KLF15: variants seen among roughly 807,000 people sequenced by gnomAD.
KLF15 encodes KLF transcription factor 15, also known as Krueppel-like factor 15.
Under a neutral mutation model 24.6 loss-of-function variants are expected in KLF15, and 4 were observed. The observed-to-expected ratio is 0.16, with a 90% CI of 0.08 to 0.37. KLF15 has a LOEUF of 0.37. KLF15 is among the 10% of genes least tolerant of loss of function. KLF15 has a pLI of 1.00. For synonymous variants in KLF15, 246 were observed against 236.3 expected, an observed-to-expected ratio of 1.04 and a Z score of -0.37; for missense variants, 496 against 560.6, an observed-to-expected ratio of 0.88 and a Z score of 1.16.
At position 126,345,403 on chromosome 3, in the gene KLF15, A is replaced by C. The variant is rs114786956; in HGVS notation, c.1083-1508T>G. Among the ~76,000 whole-genome samples the C allele has an allele frequency of 1.1e-3, 166 of 152,222 alleles. 1 individual carries two copies. The highest frequency in any genetic ancestry group is 3.8e-3 in the African/African-American group (157 of 41,516). ...GGTAGGTGCTGAGGAGGTGGATTTCAATGCAAGAGTGGGCACAGCAAGCAG... is the reference window on the plus strand; with the variant it reads ...GGTAGGTGCTGAGGAGGTGGATTTCCATGCAAGAGTGGGCACAGCAAGCAG... On this transcript the variant is annotated intron_variant, in intron 2 of 2. Transcript: ENST00000296233.
chr3:126,308,045 C>G, the KLF15 span, among the ~76,000 whole-genome samples: 3 of 152,212 alleles, frequency 2.0e-5, no homozygotes, highest in African/African-American at 7.2e-5. Flanking sequence ...TGGGTCCTTA[C>G]CATGTGGGGA....
the KLF15 span, among the ~76,000 whole-genome samples, chr3:126,299,092 C>A: frequency 1.3e-5 from 2 of 152,164 alleles, no homozygotes; most frequent in Non-Finnish European, 2.9e-5. Flanking sequence ...TTCTACCCAT[C>A]CATGACCATG....
the KLF15 span, among the ~76,000 whole-genome samples, chr3:126,326,210 G>C: frequency 8.2e-6 from 1 of 121,460 alleles, no homozygotes; most frequent in African/African-American, 3.3e-5. Flanking sequence ...TTTGGTTACT[G>C]TAGCCTTGTA....
In KLF15 at chr3:126,343,466, G is replaced by GCACGAAGGCGGGAAGGCACGAAGT; in HGVS notation, c.*260_*261insACTTCGTGCCTTCCCGCCTTCGTG. The GCACGAAGGCGGGAAGGCACGAAGT allele has an allele frequency of 2.3e-6, 1 of 440,516 alleles. No homozygotes were observed. Among genetic ancestry groups the GCACGAAGGCGGGAAGGCACGAAGT allele is most frequent in the East Asian group, 4.6e-5 (1 of 21,668 alleles). 27.3% of individuals were successfully genotyped at this position (440,516 alleles called of 1,614,324 possible). A position where few individuals can be genotyped will look rare whatever the true frequency, so the allele number is the denominator to read the frequency against. Reference sequence around the variant, plus strand: ...GCAGAGGCCTGGCCACCGCGGGAAGGCACGAAGGCACGAAGGCACGAAGGC... The same window carrying GCACGAAGGCGGGAAGGCACGAAGT: ...GCAGAGGCCTGGCCACCGCGGGAAGGCACGAAGGCGGGAAGGCACGAAGTCACGAAGGCACGAAGGCACGAAGGC... On this transcript the variant is annotated 3_prime_UTR_variant, in exon 3 of 3. Coordinates refer to ENST00000296233, the MANE Select transcript of KLF15 (RefSeq NM_014079.4).
chr3:126,341,323 C>T (rs138456888), downstream of KLF15, among the ~76,000 whole-genome samples: 8 of 152,306 alleles, frequency 5.3e-5, no homozygotes, highest in East Asian at 1.2e-3. Context: ...GCAGCGTGTC[C>T]GGCCGGTCCT....
At chr3:126,328,300 T>C in the KLF15 span, among the ~76,000 whole-genome samples, 2 of 152,216 alleles carry the variant, frequency 1.3e-5, no homozygotes, top group African/African-American at 4.8e-5. Context: ...ATCATATATA[T>C]ATATACCACA....
the KLF15 span, among the ~76,000 whole-genome samples, chr3:126,327,389 C>T: frequency 6.6e-6 from 1 of 152,186 alleles, no homozygotes; most frequent in Non-Finnish European, 1.5e-5. Flanking sequence ...CCGACTTTAA[C>T]TGGGCCCTTC....
Position 126,356,215 on chromosome 3 carries a change from C to A in KLF15, c.-26+1022G>T, listed in dbSNP as rs1282741808. 6.6e-6 allele frequency among the ~76,000 whole-genome samples: 1 copy of A among 152,206 alleles called. No homozygotes were observed. The highest frequency in any genetic ancestry group is 1.5e-5 in the Non-Finnish European group (1 of 68,038). ...GAGTCTCCGGTCCCTGAGCCGCCCG[C>A]AGGCCCCAAAGTCGCAGAGTCCGGG... is the stretch of plus-strand genomic sequence containing the variant. On this transcript the variant is annotated intron_variant, in intron 1 of 2. Coordinates refer to ENST00000296233, the MANE Select transcript of KLF15 (RefSeq NM_014079.4). The surrounding 1 kb of genome is among the most constrained non-coding windows in gnomAD (Gnocchi z 4.4).
chr3:126,343,909 C>T lies in KLF15; in HGVS notation c.1083-14G>A, dbSNP rs781733834. 13 of 1,564,204 alleles carry T rather than the reference C, an allele frequency of 8.3e-6. No homozygotes were observed. In the Admixed American group the frequency reaches 2.3e-4, roughly 28 times the overall value. On this transcript the variant is annotated splice_polypyrimidine_tract_variant and intron_variant, in intron 2 of 2. Coordinates refer to ENST00000296233, the MANE Select transcript of KLF15 (RefSeq NM_014079.4). ...GAGCGCGAGAACCTGCGGGACATGGCGCGGTCAGCGAGGCCTGGCCCTGCC... is the reference window on the plus strand; with the variant it reads ...GAGCGCGAGAACCTGCGGGACATGGTGCGGTCAGCGAGGCCTGGCCCTGCC...
downstream of KLF15, among the ~76,000 whole-genome samples, chr3:126,339,892 T>G (rs2082467627): frequency 6.6e-6 from 1 of 152,218 alleles, no homozygotes; most frequent in Admixed American, 6.5e-5. Context: ...AGCCTTGGTT[T>G]CCCAACCAAG....
At chr3:126,341,424 A>G (rs377572500), downstream of KLF15, among the ~76,000 whole-genome samples, 25 of 152,302 alleles carry the variant, frequency 1.6e-4, no homozygotes, top group Non-Finnish European at 3.5e-4. Context: ...CCTCTGACGT[A>G]CCTCTTATCT....
At chr3:126,304,481 A>G in the KLF15 span, among the ~76,000 whole-genome samples, 1 of 152,154 alleles carries the variant, frequency 6.6e-6, no homozygotes, top group Non-Finnish European at 1.5e-5. Context: ...GTTCCCTCAC[A>G]TACAAGCACT....
the KLF15 span, among the ~76,000 whole-genome samples, chr3:126,290,510 T>TCCTTCCTCCCTC: frequency 1.5e-5 from 2 of 134,934 alleles, no homozygotes; most frequent in African/African-American, 2.9e-5. Context: ...CTTCCTACCT[T>TCCTTCCTCCCTC]CCTTCCTTCC....
At chr3:126,347,184 T>C (rs1389183558) in intron 2 of KLF15, among the ~76,000 whole-genome samples, 1 of 152,200 alleles carries the variant, frequency 6.6e-6, no homozygotes, top group Non-Finnish European at 1.5e-5. Context: ...ACAGCACTTC[T>C]GTATGAAGGC....
rs2082633771 is a variant in KLF15, at chr3:126,356,577, T to C, written c.-26+660A>G. Among the ~76,000 whole-genome samples, 1 of 151,980 alleles carries C rather than the reference T, an allele frequency of 6.6e-6. No individual in the cohort carries two copies. The highest frequency in any genetic ancestry group is 2.4e-5 in the African/African-American group (1 of 41,374). On this transcript the variant is annotated intron_variant, in intron 1 of 2. Coordinates refer to ENST00000296233, the MANE Select transcript of KLF15 (RefSeq NM_014079.4). This position sits in a 1 kb window ranked among gnomAD's most constrained non-coding sequence, Gnocchi z 4.4. ...GACGCGTGAACGGTGCGGGTGTGCG[T>C]GAAGGGGTGTGAGTTCCTGTCGTGT...
chr3:126,331,875 G>A, the KLF15 span, among the ~76,000 whole-genome samples: 56,351 of 152,078 alleles, frequency 0.37, 11,652 homozygotes, highest in Non-Finnish European at 0.47. Flanking sequence ...CTGGAAAATC[G>A]GGTGAACCAT....
the KLF15 span, among the ~76,000 whole-genome samples, chr3:126,310,535 G>C: frequency 1.3e-5 from 2 of 151,880 alleles, no homozygotes; most frequent in East Asian, 1.9e-4. Context: ...AATCAGAGAA[G>C]GGGGGGTGGG....
the KLF15 span, among the ~76,000 whole-genome samples, chr3:126,294,440 G>A: frequency 9.8e-3 from 1,498 of 152,186 alleles, 11 homozygotes; most frequent in Non-Finnish European, 0.014. Flanking sequence ...CATCGTCTTC[G>A]TCTCTCATTC....
the KLF15 span, among the ~76,000 whole-genome samples, chr3:126,312,918 T>C: frequency 4.6e-5 from 7 of 152,168 alleles, no homozygotes; most frequent in African/African-American, 1.7e-4. Context: ...GGCATTCTCC[T>C]TGTGCATGGC....
Sources: allele counts gnomAD v4.1 joint callset (sites outside exome capture counted in the v4.1 genomes callset), GRCh38; gene constraint gnomAD v4.1.1; non-coding constraint Gnocchi (gnomAD v3.1); transcripts MANE v1.5; gene names NCBI Gene and HGNC (gene_info 2026-07-23, HGNC 2026-07-21).